RAD51B: variants seen among roughly 807,000 people sequenced by gnomAD.
The protein encoded by RAD51B is DNA repair protein RAD51 homolog 2.
In RAD51B, 38 loss-of-function variants were observed where a neutral mutation model predicts 42.2. The observed-to-expected ratio is 0.90, with a 90% CI of 0.70 to 1.18. The LOEUF is 1.18. Ranked by LOEUF, RAD51B falls within the 50% of genes most tolerant of loss-of-function variation. RAD51B has a pLI of 0.00. For missense variants in RAD51B, 373 were observed against 400.7 expected (o/e 0.93, Z 0.59); for synonymous variants, 154 against 145.2 (o/e 1.06, Z -0.43).
At chr14:68,114,931 T>C (rs1381126674) in intron 7 of RAD51B, among the ~76,000 whole-genome samples, 4 of 151,662 alleles carry the variant, frequency 2.6e-5, no homozygotes, top group Non-Finnish European at 4.4e-5. Context: ...ATAGGAACAC[T>C]TTTACACTGT....
intron 8 of RAD51B, chr14:68,338,901 G>T: frequency 3.1e-6 from 2 of 649,342 alleles, no homozygotes; most frequent in East Asian, 3.4e-5. Flanking sequence ...TTTGTCTTCC[G>T]AGTTAACCTT....
At chr14:67,981,959 CAG>C in intron 7 of RAD51B, among the ~76,000 whole-genome samples, 1 of 152,242 alleles carries the variant, frequency 6.6e-6, no homozygotes, top group East Asian at 1.9e-4. Context: ...ATTTTTGAGA[CAG>C]AGTCTCGCAT....
rs34044222 is a variant in RAD51B, at chr14:68,366,622, G to A, written c.854-44802G>A. Among the ~76,000 whole-genome samples, 65 of 152,314 alleles carry A rather than the reference G, an allele frequency of 4.3e-4. 1 individual carries two copies. The East Asian group carries it at 0.012, about 27-fold the overall frequency. On this transcript the variant is annotated intron_variant, in intron 8 of 10. Coordinates refer to ENST00000471583, the MANE Select transcript of RAD51B (RefSeq NM_133510.4). ...ACAAATCCCACCACATCTTCCAGATGCACAGAAGAAAGTTCCGTTAAATCC... is the reference window on the plus strand; with the variant it reads ...ACAAATCCCACCACATCTTCCAGATACACAGAAGAAAGTTCCGTTAAATCC...
chr14:68,005,451 C>T (rs1188477132), intron 7 of RAD51B, among the ~76,000 whole-genome samples: 4 of 152,156 alleles, frequency 2.6e-5, no homozygotes, highest in African/African-American at 9.7e-5. Context: ...ACATTTCTTT[C>T]AACCTAGGAG....
chr14:68,035,753 A>G (rs1202963423), intron 7 of RAD51B, among the ~76,000 whole-genome samples: 2 of 152,228 alleles, frequency 1.3e-5, no homozygotes, highest in Non-Finnish European at 2.9e-5. Context: ...AGGCCTGAAG[A>G]CTATTTTTTA....
intron 7 of RAD51B, among the ~76,000 whole-genome samples, chr14:68,065,445 G>C (rs1050739362): frequency 6.6e-6 from 1 of 152,198 alleles, no homozygotes; most frequent in Non-Finnish European, 1.5e-5. Flanking sequence ...CATGGAAATG[G>C]TTGGCCTACC....
exon 11 of RAD51B, chr14:68,611,183 C>T (rs1891667687): frequency 1.4e-6 from 1 of 703,128 alleles, no homozygotes; most frequent in South Asian, 1.5e-5. Context: ...CTCTCTTCTG[C>T]TCTTCCTCCT....
In RAD51B at chr14:68,291,947, G is replaced by T; in HGVS notation, c.820G>T (p.Val274Leu). 6.2e-7 allele frequency: 1 copy of T among 1,613,786 alleles called. No individual in the cohort carries two copies. Among genetic ancestry groups the T allele is most frequent in the South Asian group, 1.1e-5 (1 of 91,072 alleles). The change falls in exon 8 of 11, where the codon GTG becomes TTG. Residue 274 changes from valine to leucine, a missense_variant. Physicochemically the swap from Val to Leu is conservative, Grantham distance 32 (BLOSUM62 1). Coordinates refer to ENST00000471583, the MANE Select transcript of RAD51B (RefSeq NM_133510.4). ...SGALASQADL[V>L]SPADDLSLSE... ...AGCCCTGGCTTCTCAGGCAGACCTGGTGTCTCCAGCTGATGATTTGTCCCT... is the reference window on the plus strand; with the variant it reads ...AGCCCTGGCTTCTCAGGCAGACCTGTTGTCTCCAGCTGATGATTTGTCCCT...
At chr14:68,454,654 A>G (rs943660939) in intron 9 of RAD51B, among the ~76,000 whole-genome samples, 9 of 152,222 alleles carry the variant, frequency 5.9e-5, no homozygotes, top group African/African-American at 2.2e-4. Context: ...CCTGTCCAAC[A>G]GCATGCTAAA....
intron 10 of RAD51B, among the ~76,000 whole-genome samples, chr14:68,607,797 G>T (rs1209068009): frequency 6.6e-6 from 1 of 152,170 alleles, no homozygotes; most frequent in East Asian, 1.9e-4. Context: ...ATTCTGCGGG[G>T]TGCTGGGGAG....
rs554790955 is a variant in RAD51B, at chr14:68,540,347, C to T, written c.1037-54138C>T. The T allele has an allele frequency of 1.0e-5, 11 of 1,050,274 alleles. No individual in the cohort carries two copies. The South Asian group carries it at 4.6e-4, about 44-fold the overall frequency. 65.1% of individuals were successfully genotyped at this position (1,050,274 alleles called of 1,614,324 possible). A position where few individuals can be genotyped will look rare whatever the true frequency, so the allele number is the denominator to read the frequency against. On this transcript the variant is annotated intron_variant, in intron 10 of 10. Transcript: ENST00000487270. Reference sequence around the variant, plus strand: ...ATCAGACCTCTTCTAGCTACGAATCCTTGACAATTGAGATAAGGTCCACTT... The same window carrying T: ...ATCAGACCTCTTCTAGCTACGAATCTTTGACAATTGAGATAAGGTCCACTT...
chr14:68,424,679 C>T (rs1309530706), intron 9 of RAD51B, among the ~76,000 whole-genome samples: 2 of 152,194 alleles, frequency 1.3e-5, no homozygotes, highest in African/African-American at 2.4e-5. Context: ...AAAAGATCCC[C>T]ATGACTCCAA....
intron 7 of RAD51B, among the ~76,000 whole-genome samples, chr14:68,110,004 A>T (rs1270507393): frequency 6.6e-5 from 10 of 151,984 alleles, no homozygotes; most frequent in Admixed American, 5.3e-4. Context: ...GCTTGGAAAC[A>T]TGATGAGATG....
chr14:68,398,766 C>T (rs2084000409), intron 8 of RAD51B, among the ~76,000 whole-genome samples: 1 of 152,172 alleles, frequency 6.6e-6, no homozygotes, highest in African/African-American at 2.4e-5. Flanking sequence ...ATTAAAAGGA[C>T]ACAGAGCCAC....
chr14:68,072,186 C>G (rs1012491621), intron 7 of RAD51B, among the ~76,000 whole-genome samples: 4 of 125,448 alleles, frequency 3.2e-5, no homozygotes, highest in Non-Finnish European at 6.5e-5. Flanking sequence ...TATATATTTT[C>G]TAGGTTTCTA....
intron 7 of RAD51B, among the ~76,000 whole-genome samples, chr14:67,931,670 T>G (rs1438915311): frequency 6.6e-6 from 1 of 151,822 alleles, no homozygotes; most frequent in African/African-American, 2.4e-5. Context: ...GCCTGGCTAA[T>G]TTTTTGTATT....
chr14:68,508,437 CCTTTGTAGGAACTTTCAG>C (rs1404351106), intron 10 of RAD51B, among the ~76,000 whole-genome samples: 5 of 152,182 alleles, frequency 3.3e-5, no homozygotes, highest in African/African-American at 1.2e-4. Flanking sequence ...CACTCGCTAT[CCTTTGTAGGAACTTTCAG>C]CTCCTGTTAG....
chr14:68,459,730 C>T (rs2085795762), intron 9 of RAD51B, among the ~76,000 whole-genome samples: 1 of 152,226 alleles, frequency 6.6e-6, no homozygotes, highest in Non-Finnish European at 1.5e-5. Flanking sequence ...TTGCTTCTTG[C>T]TGAACTTCTC....
chr14:68,579,933 G>A (rs1017957216), intron 10 of RAD51B, among the ~76,000 whole-genome samples: 1 of 152,218 alleles, frequency 6.6e-6, no homozygotes, highest in Non-Finnish European at 1.5e-5. Flanking sequence ...GTCAAGCAAG[G>A]GCCCTAAGAT....
Sources: allele counts gnomAD v4.1 joint callset (sites outside exome capture counted in the v4.1 genomes callset), GRCh38; gene constraint gnomAD v4.1.1; transcripts MANE v1.5; gene names NCBI Gene and HGNC (gene_info 2026-07-23, HGNC 2026-07-21).